Variants in FBXO42 observed in about 807,000 individuals in gnomAD.
FBXO42 encodes F-box only protein 42.
In FBXO42, 12 loss-of-function variants were observed where a neutral mutation model predicts 71.7. That is an observed-to-expected ratio of 0.17 (90% CI 0.11 to 0.27). The LOEUF (loss-of-function observed/expected upper bound fraction) is 0.27, where lower values mean the gene tolerates loss of function less well. FBXO42 is among the 10% of genes least tolerant of loss of function. The probability of loss-of-function intolerance (pLI) is 1.00; values close to 1 mark genes in which losing one functional copy is unlikely to be tolerated. For synonymous variants in FBXO42, 325 were observed against 327.5 expected, an observed-to-expected ratio of 0.99 and a Z score of 0.08; for missense variants, 707 against 911.9, an observed-to-expected ratio of 0.78 and a Z score of 2.89.
chr1:16,255,065 A>G (rs1180686581), intron 6 of FBXO42, among the ~76,000 whole-genome samples: 1 of 152,182 alleles, frequency 6.6e-6, no homozygotes, highest in African/African-American at 2.4e-5. Flanking sequence ...AAAGGGCAAG[A>G]GCTGGGTAAT....
chr1:16,337,901 A>T (rs1330093810), intron 1 of FBXO42, among the ~76,000 whole-genome samples: 1 of 139,404 alleles, frequency 7.2e-6, no homozygotes, highest in African/African-American at 2.8e-5. Context: ...AAAAAAAAAA[A>T]AAAAAAAAAA....
intron 1 of FBXO42, among the ~76,000 whole-genome samples, chr1:16,326,520 C>T (rs1473553483): frequency 6.6e-6 from 1 of 151,244 alleles, no homozygotes; most frequent in East Asian, 2.0e-4. Context: ...TCCATCTCTA[C>T]AAAAAATACA....
At chr1:16,343,076 G>T (rs2082621849) in intron 1 of FBXO42, among the ~76,000 whole-genome samples, 1 of 152,034 alleles carries the variant, frequency 6.6e-6, no homozygotes, top group Non-Finnish European at 1.5e-5. Context: ...TTAATCTCAG[G>T]TATTCTTTAC....
chr1:16,269,335 T>G (rs1293026319), intron 4 of FBXO42, among the ~76,000 whole-genome samples: 3 of 151,766 alleles, frequency 2.0e-5, no homozygotes, highest in Non-Finnish European at 2.9e-5. Context: ...GTGATCTGCC[T>G]GCCTCGGCCT....
intron 1 of FBXO42, among the ~76,000 whole-genome samples, chr1:16,323,645 C>T (rs1456348916): frequency 6.6e-6 from 1 of 151,220 alleles, no homozygotes; most frequent in Non-Finnish European, 1.5e-5. Context: ...CAAAAATTAG[C>T]CAGGCGTGGT....
chr1:16,328,760 C>A (rs76347269), intron 1 of FBXO42, among the ~76,000 whole-genome samples: 12,392 of 152,212 alleles, frequency 0.081, 694 homozygotes, highest in Non-Finnish European at 0.12. Context: ...GAAACCAGGG[C>A]TCCTTGGTGA....
At chr1:16,267,967 T>TA (rs886467982) in intron 4 of FBXO42, among the ~76,000 whole-genome samples, 1 of 152,222 alleles carries the variant, frequency 6.6e-6, no homozygotes, top group Admixed American at 6.5e-5. Flanking sequence ...ACTTGATGAA[T>TA]AGGGCAGCAC....
At chr1:16,341,070 T>G (rs1569948016) in intron 1 of FBXO42, among the ~76,000 whole-genome samples, 1 of 152,308 alleles carries the variant, frequency 6.6e-6, no homozygotes, top group East Asian at 1.9e-4. Flanking sequence ...AAGGACTACC[T>G]CTGTTCCAAT....
At position 16,250,910 on chromosome 1, in the gene FBXO42, A is replaced by G. The variant is rs151089732; in HGVS notation, c.1914T>C (p.Ser638=). The G allele has an allele frequency of 1.2e-4, 187 of 1,613,950 alleles. No homozygotes were observed. The highest frequency in any genetic ancestry group is 5.7e-4 in the Admixed American group (34 of 60,004). ...ACATCTGCATGGGCTTGCAGTTCAT[A>G]CTCTGGTATAGGGGTTTGCCAACAT... ...SLNVGKPLYQ[S]MNCKPMQMYV... is the part of the protein sequence containing the mutation. The change falls in exon 10 of 10, where the codon AGT becomes AGC. Residue 638 remains serine, a synonymous_variant. Coordinates refer to ENST00000375592, the MANE Select transcript of FBXO42 (RefSeq NM_018994.3). The surrounding 1 kb of genome is among the most constrained non-coding windows in gnomAD (Gnocchi z 4.7).
chr1:16,264,416 A>G (rs2081750029), intron 4 of FBXO42, among the ~76,000 whole-genome samples: 1 of 152,206 alleles, frequency 6.6e-6, no homozygotes, highest in Non-Finnish European at 1.5e-5. Context: ...AAGGTTTTAT[A>G]CTCATTAGGA....
chr1:16,343,914 G>A (rs1261879319), intron 1 of FBXO42, among the ~76,000 whole-genome samples: 1 of 150,164 alleles, frequency 6.7e-6, no homozygotes, highest in Non-Finnish European at 1.5e-5. Flanking sequence ...GGAGATTGGG[G>A]CTGCATTGAG....
chr1:16,325,931 T>C (rs1206251755), intron 1 of FBXO42, among the ~76,000 whole-genome samples: 2 of 150,854 alleles, frequency 1.3e-5, no homozygotes, highest in Non-Finnish European at 3.0e-5. Flanking sequence ...TGGCCGAAAA[T>C]TTCATATGGA....
chr1:16,261,437 G>A (rs966430613), intron 4 of FBXO42, among the ~76,000 whole-genome samples: 11 of 152,156 alleles, frequency 7.2e-5, no homozygotes, highest in African/African-American at 2.7e-4. Context: ...ATCTCATGAA[G>A]TTGGAGAACT....
intron 1 of FBXO42, among the ~76,000 whole-genome samples, chr1:16,319,408 A>C (rs1045039039): frequency 1.3e-5 from 2 of 152,236 alleles, no homozygotes; most frequent in Admixed American, 6.6e-5. Context: ...ACTGGCTGAA[A>C]GCTTATGATA....
rs958864597 is a variant in FBXO42, at chr1:16,309,234, A to AT, written c.251-3316dup. 8.9e-5 allele frequency among the ~76,000 whole-genome samples: 13 copies of AT among 146,428 alleles called. No individual in the cohort carries two copies. In the South Asian group the frequency reaches 1.5e-3, roughly 17 times the overall value. On this transcript the variant is annotated intron_variant, in intron 2 of 9. Transcript: ENST00000375592. ...AGGCACGCGCCACCATACCCAGCTA[A>AT]TTTTTTTTTTCTTTTTGTATTTTTA...
Position 16,248,664 on chromosome 1 carries a change from C to T in FBXO42, c.*2006G>A, listed in dbSNP as rs529403859. 6.6e-6 allele frequency: 1 copy of T among 152,310 alleles called. No homozygotes were observed. Among genetic ancestry groups the T allele is most frequent in the African/African-American group, 2.4e-5 (1 of 41,560 alleles). 9.4% of individuals were successfully genotyped at this position (152,310 alleles called of 1,614,324 possible). A position where few individuals can be genotyped will look rare whatever the true frequency, so the allele number is the denominator to read the frequency against. ...ACACCTGAATTGCTAGCCTTCTGGC[C>T]CAGCTTTCCCTTGTAAATAAGGACC... On this transcript the variant is annotated 3_prime_UTR_variant, in exon 10 of 10. Coordinates refer to ENST00000375592, the MANE Select transcript of FBXO42 (RefSeq NM_018994.3).
chr1:16,274,291 G>C (rs2100483117), intron 4 of FBXO42, among the ~76,000 whole-genome samples: 1 of 150,974 alleles, frequency 6.6e-6, no homozygotes, highest in Middle Eastern at 3.4e-3. Context: ...CTGGGTGACA[G>C]AATGAAACTT....
At chr1:16,350,102 CAAG>C (rs1315763072) in intron 1 of FBXO42, among the ~76,000 whole-genome samples, 1 of 152,068 alleles carries the variant, frequency 6.6e-6, no homozygotes, top group Non-Finnish European at 1.5e-5. Flanking sequence ...AGAAATCAGA[CAAG>C]AAGAAGCATC....
At chr1:16,335,061 TACAAAAAA>T (rs2082539316) in intron 1 of FBXO42, among the ~76,000 whole-genome samples, 1 of 6,012 alleles carries the variant, frequency 1.7e-4, no homozygotes, top group Non-Finnish European at 3.1e-4. Context: ...ACCTCGTCTG[TACAAAAAA>T]AAAAAAAAAA....
Sources: allele counts gnomAD v4.1 joint callset (sites outside exome capture counted in the v4.1 genomes callset), GRCh38; gene constraint gnomAD v4.1.1; non-coding constraint Gnocchi (gnomAD v3.1); transcripts MANE v1.5; gene names NCBI Gene and HGNC (gene_info 2026-07-23, HGNC 2026-07-21).